NUDT21: variants seen among roughly 807,000 people sequenced by gnomAD.
The protein encoded by NUDT21 is cleavage and polyadenylation specificity factor subunit 5.
NUDT21 carries 5 observed loss-of-function variants against 29.8 expected under a neutral mutation model. The observed-to-expected ratio is 0.17, with a 90% confidence interval of 0.09 to 0.35. The LOEUF is 0.35. Ranked by LOEUF, NUDT21 falls within the 10% of genes least tolerant of loss-of-function variation. The probability of loss-of-function intolerance (pLI) is 1.00; values close to 1 mark genes in which losing one functional copy is unlikely to be tolerated. For missense variants in NUDT21, 76 were observed against 276.0 expected (o/e 0.28, Z 5.13); for synonymous variants, 113 against 98.5 (o/e 1.15, Z -0.87).
rs2143928223 is a variant in NUDT21, at chr16:56,430,030, G to A, written c.*2682C>T. 6.6e-6 allele frequency: 1 copy of A among 152,182 alleles called. No homozygotes were observed. Among genetic ancestry groups the A allele is most frequent in the South Asian group, 2.1e-4 (1 of 4,818 alleles). 9.4% of individuals were successfully genotyped at this position (152,182 alleles called of 1,614,324 possible). ...ATTAAACATGGAAGAAAACAGACTG[G>A]CTAATTTGGTCACACTTTGTCCAAA... On this transcript the variant is annotated 3_prime_UTR_variant, in exon 7 of 7. Transcript: ENST00000300291.
At chr16:56,446,287 A>G (rs1962220339) in intron 3 of NUDT21, among the ~76,000 whole-genome samples, 1 of 152,238 alleles carries the variant, frequency 6.6e-6, no homozygotes, top group East Asian at 1.9e-4. Context: ...CTAGCTATAT[A>G]ACAAGAAGTA....
At position 56,434,612 on chromosome 16, in the gene NUDT21, G is replaced by C. The variant is rs1337258885; in HGVS notation, c.547+142C>G. 8 of 772,322 alleles carry C rather than the reference G, an allele frequency of 1.0e-5. No individual in the cohort carries two copies. The Admixed American group carries it at 1.5e-4, about 14-fold the overall frequency. The allele number at this position is 772,322 out of a possible 1,614,324, so 47.8% of individuals were successfully genotyped here. On this transcript the variant is annotated intron_variant, in intron 5 of 6. Coordinates refer to ENST00000300291, the MANE Select transcript of NUDT21 (RefSeq NM_007006.3). ...AGGTAGATTTCCTAGCCACAGATTT[G>C]AAACTAAAAGCATGGTATACATCTT...
chr16:56,435,296 T>C (rs563493845), intron 4 of NUDT21: 1 of 153,034 alleles, frequency 6.5e-6, no homozygotes, highest in South Asian at 2.1e-4. Context: ...GCTAATTTTG[T>C]ATTTTTAGTA....
intron 1 of NUDT21, among the ~76,000 whole-genome samples, chr16:56,448,496 G>A (rs1182735497): frequency 6.6e-6 from 1 of 151,996 alleles, no homozygotes; most frequent in East Asian, 1.9e-4. Flanking sequence ...GATTTTTCTT[G>A]CACCACAGCC....
chr16:56,447,650 T>A (rs895746516), intron 2 of NUDT21, 139 bp downstream of exon 2: 10 of 703,704 alleles, frequency 1.4e-5, no homozygotes, highest in Non-Finnish European at 2.1e-5. Flanking sequence ...AAATTACTCA[T>A]GATTTTCTCT....
chr16:56,434,987 T>A (rs1962079881), intron 4 of NUDT21, 158 bp from the exon 5 acceptor site: 1 of 471,858 alleles, frequency 2.1e-6, no homozygotes. Context: ...AATAAATGCT[T>A]TAATGCATAT....
rs1303009258 is a variant in NUDT21 at position 56,432,388 on chromosome 16, T to A, written c.*324A>T. 4.5e-6 allele frequency: 1 copy of A among 223,190 alleles called. No individual in the cohort carries two copies. The highest frequency in any genetic ancestry group is 5.3e-5 in the Admixed American group (1 of 18,914). 13.8% of individuals were successfully genotyped at this position (223,190 alleles called of 1,614,324 possible). The stretch of plus-strand genomic sequence containing the variant: ...TGTCATTGTGTTGCAACATTCACCA[T>A]CCTAAGGTGGGGGGAAAAATGATCC... On this transcript the variant is annotated 3_prime_UTR_variant, in exon 7 of 7. Transcript: ENST00000300291.
At chr16:56,444,620 C>CAAAAAAA (rs376261802) in intron 3 of NUDT21, among the ~76,000 whole-genome samples, 2 of 111,018 alleles carry the variant, frequency 1.8e-5, no homozygotes, top group African/African-American at 3.3e-5. Flanking sequence ...AAAACAAAAA[C>CAAAAAAA]AAAAAAAAAA....
rs1187772267 is a variant in NUDT21, at chr16:56,439,633, C to T, written c.471+24G>A. ...ACGAGCTTTCTGCTTCCAAAATGCC[C>T]AGCAAATGTAACTGAACACTGACCT... On this transcript the variant is annotated intron_variant, in intron 4 of 6. Coordinates refer to ENST00000300291, the MANE Select transcript of NUDT21 (RefSeq NM_007006.3). 1.3e-6 allele frequency: 2 copies of T among 1,491,900 alleles called. 1 individual carries two copies. The allele number at this position is 1,491,900 out of a possible 1,614,324, so 92.4% of individuals were successfully genotyped here.
intron 4 of NUDT21, chr16:56,439,322 C>T (rs561481807): frequency 8.2e-6 from 2 of 244,006 alleles, no homozygotes; most frequent in Admixed American, 5.1e-5. Context: ...CAGGCTTGTA[C>T]CATCAAACCC....
chr16:56,437,028 G>T (rs1423498262), intron 4 of NUDT21, among the ~76,000 whole-genome samples: 1 of 152,136 alleles, frequency 6.6e-6, no homozygotes, highest in Non-Finnish European at 1.5e-5. Flanking sequence ...AAAAAGTTTA[G>T]AATAACTGTA....
In NUDT21 at chr16:56,451,284, A is replaced by G. The variant is rs1962312771; in HGVS notation, c.-82T>C. On this transcript the variant is annotated 5_prime_UTR_variant, in exon 1 of 7. Coordinates refer to ENST00000300291, the MANE Select transcript of NUDT21 (RefSeq NM_007006.3). ...CCCGTGCGGGAAGCGGTTATCTGCA[A>G]TCCCCTCAGCGGCTACTGCCCGCCA... The G allele has an allele frequency of 2.7e-6, 3 of 1,097,478 alleles. No homozygotes were observed. Among genetic ancestry groups the G allele is most frequent in the East Asian group, 4.8e-5 (2 of 41,534 alleles). 68.0% of individuals were successfully genotyped at this position (1,097,478 alleles called of 1,614,324 possible).
At chr16:56,438,220 C>A (rs1280336686) in intron 4 of NUDT21, among the ~76,000 whole-genome samples, 1 of 152,210 alleles carries the variant, frequency 6.6e-6, no homozygotes, top group Non-Finnish European at 1.5e-5. Context: ...TAGGTTATCA[C>A]AGACTGAGGC....
chr16:56,442,025 C>A (rs1434840641), intron 3 of NUDT21, among the ~76,000 whole-genome samples: 1 of 152,194 alleles, frequency 6.6e-6, no homozygotes, highest in Non-Finnish European at 1.5e-5. Flanking sequence ...CTGCCCCCAG[C>A]CTCCCGAGTA....
rs188109275 is a variant in NUDT21, at chr16:56,437,209, C to T, written c.472-2380G>A. ...GGGAGTCAGAAGCAAGAGAAAAGAACGATCTTTTGCTTGGTTGATATTTTG... is the reference window on the plus strand; with the variant it reads ...GGGAGTCAGAAGCAAGAGAAAAGAATGATCTTTTGCTTGGTTGATATTTTG... On this transcript the variant is annotated intron_variant, in intron 4 of 6. Coordinates refer to ENST00000300291, the MANE Select transcript of NUDT21 (RefSeq NM_007006.3). 2.6e-3 allele frequency among the ~76,000 whole-genome samples: 403 copies of T among 152,178 alleles called. 2 individuals are homozygous for T. Among genetic ancestry groups the T allele is most frequent in the African/African-American group, 8.6e-3 (356 of 41,544 alleles).
In NUDT21 at chr16:56,451,326, A is replaced by G. The variant is rs1962315899; in HGVS notation, c.-124T>C. On this transcript the variant is annotated 5_prime_UTR_variant, in exon 1 of 7. Transcript: ENST00000300291. ...TGCCCGCCATTAACAGGACAGCGCA[A>G]GAGGAGGCGTAGGCACGCCGGAAGT... 3.6e-6 allele frequency: 3 copies of G among 827,372 alleles called. No individual in the cohort carries two copies. The highest frequency in any genetic ancestry group is 5.7e-6 in the Non-Finnish European group (3 of 528,470). 51.3% of individuals were successfully genotyped at this position (827,372 alleles called of 1,614,324 possible).
rs1264863502 is a variant in NUDT21 at position 56,446,639 on chromosome 16, C to T, written c.368G>A (p.Arg123His). Residue 123 changes from arginine (R) to histidine (H), a missense_variant, in exon 3 of 7, where the codon CGC (arginine) becomes CAC (histidine). This residue lies in a region of NUDT21 where 27 missense variants were observed against 149.5 expected (regional missense o/e 0.18). Coordinates refer to ENST00000300291, the MANE Select transcript of NUDT21 (RefSeq NM_007006.3). ...ACAGAAAAATACCTCTGTCATTAAGCGTTTTAGTCCTTCAACTTCATCTTC... is the reference window on the plus strand; with the variant it reads ...ACAGAAAAATACCTCTGTCATTAAGTGTTTTAGTCCTTCAACTTCATCTTC... Reference protein sequence around the residue: ...PGEDEVEGLKRLMTEILGRQD... With the variant: ...PGEDEVEGLKHLMTEILGRQD... The T allele has an allele frequency of 1.2e-6, 2 of 1,601,832 alleles. No homozygotes were observed. The highest frequency in any genetic ancestry group is 2.2e-5 in the South Asian group (2 of 89,926).
intron 4 of NUDT21, among the ~76,000 whole-genome samples, chr16:56,435,750 T>C (rs1336498606): frequency 5.1e-5 from 3 of 58,950 alleles, no homozygotes; most frequent in Non-Finnish European, 9.9e-5. Flanking sequence ...AAATTATATA[T>C]ATATATATAT....
intron 1 of NUDT21, 47 bp downstream of exon 1, chr16:56,451,040 A>C: frequency 1.6e-5 from 24 of 1,521,336 alleles, no homozygotes; most frequent in Non-Finnish European, 2.2e-5. Flanking sequence ...GAGAGTCTAT[A>C]GGAGCTTTCA....
Sources: gnomAD v4.1 joint callset for allele counts (sites outside exome capture counted in the v4.1 genomes callset) on GRCh38, gnomAD v4.1.1 for gene constraint, gnomAD v4.1.1 regional missense constraint, MANE v1.5 for transcripts, NCBI Gene and HGNC (gene_info 2026-07-23, HGNC 2026-07-21) for gene names.